Variants in PTPRN2 observed in about 807,000 individuals in gnomAD.
The protein encoded by PTPRN2 is protein tyrosine phosphatase receptor type N2.
In PTPRN2, 74 loss-of-function variants were observed where a neutral mutation model predicts 118.8. That is an observed-to-expected ratio of 0.62 (90% CI 0.52 to 0.76). PTPRN2 has a LOEUF of 0.76. Ranked by LOEUF, PTPRN2 falls within the 30% of genes least tolerant of loss-of-function variation. The pLI, the probability that PTPRN2 is intolerant of heterozygous loss-of-function variation, is 0.00. For missense variants in PTPRN2, 1,481 were observed against 1,394.4 expected, an observed-to-expected ratio of 1.06 and a Z score of -0.99; for synonymous variants, 641 against 608.0, an observed-to-expected ratio of 1.05 and a Z score of -0.80.
At position 158,019,712 on chromosome 7, in the gene PTPRN2, CT is replaced by C. The variant is rs756426014; in HGVS notation, c.1723+61585del. Among the ~76,000 whole-genome samples, 445 of 152,240 alleles carry C rather than the reference CT, an allele frequency of 2.9e-3. 1 individual carries two copies. Among genetic ancestry groups the C allele is most frequent in the Non-Finnish European group, 4.3e-3 (291 of 68,028 alleles). On this transcript the variant is annotated intron_variant, in intron 11 of 22. Coordinates refer to ENST00000389418, the MANE Select transcript of PTPRN2 (RefSeq NM_002847.5). ...GAAGATGGTGAGCGGGCTGTGTCCC[CT>C]CCAAGTCCCACCTGGTCTCAGGGAC... is the stretch of plus-strand genomic sequence containing the variant.
At chr7:157,772,332 T>TAG (rs1266620342) in intron 12 of PTPRN2, among the ~76,000 whole-genome samples, 1 of 83,508 alleles carries the variant, frequency 1.2e-5, no homozygotes, top group Non-Finnish European at 2.2e-5. Flanking sequence ...GACACACACA[T>TAG]ACACACAGAC....
intron 11 of PTPRN2, among the ~76,000 whole-genome samples, chr7:158,036,314 C>CATT (rs1272533015): frequency 1.3e-5 from 2 of 152,128 alleles, no homozygotes; most frequent in Non-Finnish European, 2.9e-5. Context: ...TACTTGTAAC[C>CATT]ATTAGTTAAA....
chr7:158,165,551 C>T (rs73173663), intron 6 of PTPRN2, among the ~76,000 whole-genome samples: 13,443 of 152,304 alleles, frequency 0.088, 620 homozygotes, highest in Non-Finnish European at 0.098. Context: ...AAAGAAAGAG[C>T]GAGGGCAGGA....
intron 5 of PTPRN2, among the ~76,000 whole-genome samples, chr7:158,180,629 G>A (rs1044669318): frequency 6.6e-6 from 1 of 152,142 alleles, no homozygotes; most frequent in South Asian, 2.1e-4. Context: ...GCAGTGTCTT[G>A]TAGTTCTCTG....
At chr7:158,139,949 A>G (rs1466911877) in intron 6 of PTPRN2, among the ~76,000 whole-genome samples, 3 of 137,736 alleles carry the variant, frequency 2.2e-5, no homozygotes, top group African/African-American at 8.6e-5. Context: ...ATGTGAACAA[A>G]GCTGAGCCAG....
At chr7:158,241,780 G>A (rs1226759239) in intron 3 of PTPRN2, among the ~76,000 whole-genome samples, 2 of 152,090 alleles carry the variant, frequency 1.3e-5, no homozygotes, top group Non-Finnish European at 2.9e-5. Flanking sequence ...CAGCTCTGAG[G>A]TCCTCCCCAA....
intron 12 of PTPRN2, among the ~76,000 whole-genome samples, chr7:157,691,038 C>G (rs1341143094): frequency 1.5e-5 from 2 of 137,332 alleles, no homozygotes; most frequent in Non-Finnish European, 3.1e-5. Context: ...GCGCGGCTCG[C>G]GGCCCAGCCA....
chr7:157,958,732 CAA>C (rs1427426847), intron 11 of PTPRN2, among the ~76,000 whole-genome samples: 3 of 152,128 alleles, frequency 2.0e-5, no homozygotes, highest in African/African-American at 7.2e-5. Context: ...CTGAAAACTA[CAA>C]AGTGTTGTTA....
At chr7:158,058,047 G>C (rs1251983553) in intron 11 of PTPRN2, among the ~76,000 whole-genome samples, 2 of 152,212 alleles carry the variant, frequency 1.3e-5, no homozygotes, top group South Asian at 4.1e-4. Context: ...ATGATCTATT[G>C]TAAGTAAATC....
At chr7:158,061,405 C>T (rs567955472) in intron 11 of PTPRN2, among the ~76,000 whole-genome samples, 31 of 152,346 alleles carry the variant, frequency 2.0e-4, no homozygotes, top group African/African-American at 6.3e-4. Flanking sequence ...GAGGGAATCT[C>T]TCCCATCCAC....
chr7:157,698,816 T>A (rs1484265282), intron 12 of PTPRN2, among the ~76,000 whole-genome samples: 1 of 152,238 alleles, frequency 6.6e-6, no homozygotes, highest in Non-Finnish European at 1.5e-5. Context: ...ATTTAATAGT[T>A]GATGTTCAGT....
intron 12 of PTPRN2, among the ~76,000 whole-genome samples, chr7:157,882,134 A>T (rs1466267390): frequency 6.6e-6 from 1 of 152,128 alleles, no homozygotes; most frequent in Admixed American, 6.5e-5. Flanking sequence ...CCCAAAAATG[A>T]CTGTCGAAGA....
chr7:158,134,030 G>T lies in PTPRN2; in HGVS notation c.1203C>A (p.Gly401=). 1 of 1,613,696 alleles carries T rather than the reference G, an allele frequency of 6.2e-7. No individual in the cohort carries two copies. The highest frequency in any genetic ancestry group is 8.5e-7 in the Non-Finnish European group (1 of 1,179,876). Residue 401 remains glycine, a synonymous_variant, in exon 9 of 23, where the codon GGC becomes GGA. Transcript: ENST00000389418. ...EVHRLSATLG[G]LLQDHGSRLL... ...GTCGAGACCCGTGGTCCTGCAGGAG[G>T]CCCCCGAGTGTGGCACTCAGACGAT...
At chr7:157,847,385 A>C (rs992564731) in intron 12 of PTPRN2, among the ~76,000 whole-genome samples, 1 of 149,286 alleles carries the variant, frequency 6.7e-6, no homozygotes, top group East Asian at 2.0e-4. Flanking sequence ...CTCTGACTCT[A>C]TCACGTGTGC....
At chr7:157,544,507 G>C (rs922451472) in intron 22 of PTPRN2, among the ~76,000 whole-genome samples, 2 of 152,220 alleles carry the variant, frequency 1.3e-5, no homozygotes, top group Non-Finnish European at 2.9e-5. Context: ...TGACGCACGG[G>C]CAGCACGTGG....
Position 158,434,056 on chromosome 7 carries a change from AT to A in PTPRN2, c.163+55678del, listed in dbSNP as rs568069052. Among the ~76,000 whole-genome samples the A allele has an allele frequency of 3.0e-3, 458 of 152,204 alleles. 6 individuals carry two copies. Among genetic ancestry groups the A allele is most frequent in the African/African-American group, 0.01 (433 of 41,530 alleles). ...TTTGGCCAAAGAAATACTCCGAATG[AT>A]TTCAATCTTTAGCAATATGTTAAGA... On this transcript the variant is annotated intron_variant, in intron 2 of 22. Coordinates refer to ENST00000389418, the MANE Select transcript of PTPRN2 (RefSeq NM_002847.5).
chr7:157,712,785 GAC>G (rs1352427461), intron 12 of PTPRN2, among the ~76,000 whole-genome samples: 1 of 147,546 alleles, frequency 6.8e-6, no homozygotes, highest in East Asian at 2.0e-4. Context: ...GGGAAATTCA[GAC>G]ACAGACAGAC....
chr7:158,135,852 ACT>A (rs777461921), intron 8 of PTPRN2, among the ~76,000 whole-genome samples: 20 of 151,928 alleles, frequency 1.3e-4, no homozygotes, highest in Non-Finnish European at 2.4e-4. Flanking sequence ...CTAACCAAAG[ACT>A]CTTCTTTCTC....
chr7:158,513,392 G>C (rs973832003), intron 1 of PTPRN2, among the ~76,000 whole-genome samples: 7 of 152,192 alleles, frequency 4.6e-5, no homozygotes, highest in African/African-American at 1.7e-4. Context: ...TAGAATCCTG[G>C]ATGAGATCCT....
Sources: gnomAD v4.1 joint callset for allele counts (sites outside exome capture counted in the v4.1 genomes callset) on GRCh38, gnomAD v4.1.1 for gene constraint, MANE v1.5 for transcripts, NCBI Gene and HGNC (gene_info 2026-07-23, HGNC 2026-07-21) for gene names.